SLC35F4: variants seen among roughly 807,000 people sequenced by gnomAD.
The protein encoded by SLC35F4 is solute carrier family 35 member F4.
A neutral mutation model predicts 44.2 loss-of-function variants in SLC35F4; 24 were observed. That is an observed-to-expected ratio of 0.54 (90% CI 0.39 to 0.76). The LOEUF (loss-of-function observed/expected upper bound fraction) is 0.76. Among genes scored for constraint, SLC35F4 ranks in the 30% least tolerant of loss-of-function variants. The pLI is 0.00. For synonymous variants in SLC35F4, 238 were observed against 223.6 expected (o/e 1.06, Z -0.57); for missense variants, 562 against 586.1 (o/e 0.96, Z 0.42).
intron 1 of SLC35F4, chr14:57,602,386 T>C (rs2070879198): frequency 6.6e-6 from 1 of 152,044 alleles, no homozygotes; most frequent in South Asian, 2.1e-4. Context: ...CAAGAGAGGG[T>C]AGGATACTCA....
intron 1 of SLC35F4, among the ~76,000 whole-genome samples, chr14:57,881,376 A>G (rs965461862): frequency 1.3e-5 from 2 of 152,186 alleles, no homozygotes; most frequent in Admixed American, 1.3e-4. Flanking sequence ...TTGTTGTGAA[A>G]CAAAAGTCAG....
intron 1 of SLC35F4, among the ~76,000 whole-genome samples, chr14:57,814,505 G>T (rs1286955542): frequency 6.6e-6 from 1 of 152,190 alleles, no homozygotes; most frequent in Non-Finnish European, 1.5e-5. Context: ...GATGCTGTTT[G>T]CAAACTCTGA....
chr14:57,914,761 A>G (rs1889284007), intron 1 of SLC35F4, among the ~76,000 whole-genome samples: 1 of 152,202 alleles, frequency 6.6e-6, no homozygotes, highest in African/African-American at 2.4e-5. Context: ...ATACTGGTTT[A>G]GGGGTTAGGC....
At chr14:57,592,156 C>T (rs546023208) in intron 2 of SLC35F4, among the ~76,000 whole-genome samples, 8 of 152,304 alleles carry the variant, frequency 5.3e-5, no homozygotes, top group African/African-American at 1.9e-4. Context: ...CTATCCATTT[C>T]TGCGTACCTT....
In SLC35F4 at chr14:57,822,688, T is replaced by C. The variant is rs77582785; in HGVS notation, c.103+43035A>G. Among the ~76,000 whole-genome samples the C allele has an allele frequency of 8.6e-4, 131 of 152,314 alleles. 2 individuals are homozygous for C. In the East Asian group the frequency reaches 0.017, roughly 20 times the overall value. ...TCTTCTGCCTTAATACAGCTGACTA[T>C]AATGTCCAAGGGGTCTCTCCTAGGG... is the stretch of plus-strand genomic sequence containing the variant. On this transcript the variant is annotated intron_variant, in intron 1 of 7. Coordinates refer to ENST00000556826, the MANE Select transcript of SLC35F4 (RefSeq NM_001306087.2).
chr14:57,615,379 CT>C (rs1244037129), intron 1 of SLC35F4, among the ~76,000 whole-genome samples: 1 of 151,094 alleles, frequency 6.6e-6, no homozygotes, highest in African/African-American at 2.4e-5. Flanking sequence ...TAACTGCTCA[CT>C]TCATTTCTTC....
intron 1 of SLC35F4, among the ~76,000 whole-genome samples, chr14:57,903,337 C>T (rs140720958): frequency 3.2e-4 from 49 of 152,272 alleles, no homozygotes; most frequent in African/African-American, 1.0e-3. Context: ...TTGCTAAAGG[C>T]AAGCCAGACC....
intron 1 of SLC35F4, among the ~76,000 whole-genome samples, chr14:57,834,251 G>A (rs1272273076): frequency 1.3e-5 from 2 of 152,176 alleles, no homozygotes; most frequent in Non-Finnish European, 2.9e-5. Flanking sequence ...AGTAAAATCT[G>A]TTTCAAACAA....
At chr14:57,842,864 T>A (rs184064018) in intron 1 of SLC35F4, among the ~76,000 whole-genome samples, 19 of 152,260 alleles carry the variant, frequency 1.2e-4, no homozygotes, top group East Asian at 1.9e-4. Context: ...AGACCCACCC[T>A]CAATCTGGTG....
intron 1 of SLC35F4, among the ~76,000 whole-genome samples, chr14:57,637,838 C>G (rs2073074605): frequency 6.6e-6 from 1 of 152,024 alleles, no homozygotes. Context: ...AAAAGGGACC[C>G]CAAAGAGACA....
At chr14:57,788,341 C>A (rs2077821693) in intron 1 of SLC35F4, among the ~76,000 whole-genome samples, 1 of 152,078 alleles carries the variant, frequency 6.6e-6, no homozygotes, top group African/African-American at 2.4e-5. Flanking sequence ...ACTCCACCGA[C>A]AGCACTAGAC....
chr14:57,638,934 C>CTG (rs2073117287), intron 1 of SLC35F4, among the ~76,000 whole-genome samples: 1 of 151,886 alleles, frequency 6.6e-6, no homozygotes, highest in African/African-American at 2.4e-5. Flanking sequence ...GGAGAGAGAC[C>CTG]AAGTGTTCAT....
At chr14:57,638,717 G>A (rs933346212) in intron 1 of SLC35F4, among the ~76,000 whole-genome samples, 3 of 152,066 alleles carry the variant, frequency 2.0e-5, no homozygotes, top group African/African-American at 7.2e-5. Context: ...GCTACTACAG[G>A]AAAGGCAGGT....
intron 1 of SLC35F4, among the ~76,000 whole-genome samples, chr14:57,967,474 A>C (rs1880907986): frequency 6.6e-6 from 1 of 152,242 alleles, no homozygotes. Context: ...ATAGTATCAT[A>C]CTGTACACAG....
intron 1 of SLC35F4, among the ~76,000 whole-genome samples, chr14:57,646,270 G>A (rs1479417789): frequency 3.3e-5 from 5 of 152,072 alleles, no homozygotes. Flanking sequence ...TTTTTGGTTG[G>A]TAAGCTATTA....
intron 1 of SLC35F4, among the ~76,000 whole-genome samples, chr14:57,759,880 G>GTTT (rs60160945): frequency 0.01 from 1,418 of 140,474 alleles, 15 homozygotes; most frequent in African/African-American, 0.026. Context: ...TTCTTTGCTT[G>GTTT]TTTTTTTTTT....
At chr14:57,724,575 G>A (rs1382438039) in intron 1 of SLC35F4, among the ~76,000 whole-genome samples, 4 of 152,148 alleles carry the variant, frequency 2.6e-5, no homozygotes, top group Non-Finnish European at 5.9e-5. Context: ...GGCTCAAGCA[G>A]GTCCTGAAGG....
At chr14:57,779,354 T>C (rs972706677) in intron 1 of SLC35F4, among the ~76,000 whole-genome samples, 2 of 152,032 alleles carry the variant, frequency 1.3e-5, no homozygotes, top group African/African-American at 2.4e-5. Context: ...ACTATGAACA[T>C]CTCCTTGCAA....
chr14:57,954,463 C>T (rs973413922), intron 1 of SLC35F4, among the ~76,000 whole-genome samples: 2 of 151,896 alleles, frequency 1.3e-5, no homozygotes, highest in African/African-American at 4.8e-5. Context: ...TAAAACCCTT[C>T]AAAAAATCAA....
Sources: allele counts gnomAD v4.1 joint callset (sites outside exome capture counted in the v4.1 genomes callset), GRCh38; gene constraint gnomAD v4.1.1; transcripts MANE v1.5; gene names NCBI Gene and HGNC (gene_info 2026-07-23, HGNC 2026-07-21).